Variants in MBD5 observed in about 807,000 individuals in gnomAD.
The protein encoded by MBD5 is methyl-CpG-binding domain protein 5.
MBD5 carries 13 observed loss-of-function variants against 117.3 expected under a neutral mutation model. The observed-to-expected ratio is 0.11, with a 90% CI of 0.07 to 0.18. The LOEUF (loss-of-function observed/expected upper bound fraction) is 0.18, where lower values mean the gene tolerates loss of function less well. MBD5 is among the 10% of genes least tolerant of loss of function. The pLI, the probability that MBD5 is intolerant of heterozygous loss-of-function variation, is 1.00. For missense variants in MBD5, 1,879 were observed against 2,093.8 expected, an observed-to-expected ratio of 0.90 and a Z score of 2.00; for synonymous variants, 727 against 766.4, an observed-to-expected ratio of 0.95 and a Z score of 0.85.
At chr2:148,151,696 C>G (rs993438462) in intron 1 of MBD5, among the ~76,000 whole-genome samples, 22 of 152,076 alleles carry the variant, frequency 1.4e-4, no homozygotes, top group African/African-American at 3.9e-4. Flanking sequence ...AGGAATTTAT[C>G]CATTTCTTCT....
At chr2:148,150,464 C>A (rs1349560996) in intron 1 of MBD5, among the ~76,000 whole-genome samples, 1 of 152,012 alleles carries the variant, frequency 6.6e-6, no homozygotes, top group Non-Finnish European at 1.5e-5. Context: ...GTATTTTTTT[C>A]CAATTCTGTG....
chr2:148,232,397 C>T (rs902690197), intron 2 of MBD5, among the ~76,000 whole-genome samples: 1 of 152,038 alleles, frequency 6.6e-6, no homozygotes, highest in African/African-American at 2.4e-5. Flanking sequence ...TAGATGGTTG[C>T]AGTGGTGAGG....
intron 1 of MBD5, among the ~76,000 whole-genome samples, chr2:148,157,765 C>G (rs545661984): frequency 1.3e-4 from 20 of 152,278 alleles, no homozygotes; most frequent in African/African-American, 4.8e-4. Context: ...ACTAATAATA[C>G]ACATAGAAGT....
Position 148,425,118 on chromosome 2 carries a change from A to G in MBD5, c.-556-33085A>G, listed in dbSNP as rs575550004. Among the ~76,000 whole-genome samples the G allele has an allele frequency of 1.2e-3, 186 of 152,274 alleles. 2 individuals carry two copies. The highest frequency in any genetic ancestry group is 8.5e-3 in the South Asian group (41 of 4,828). On this transcript the variant is annotated intron_variant, in intron 4 of 13. Coordinates refer to ENST00000642680, the MANE Select transcript of MBD5 (RefSeq NM_001378120.1). ...GAGCTGGTTTTTTGAAAAGATCAAC[A>G]AAATAGATAGACCACTAGCCAGACT...
chr2:148,383,304 A>G (rs1325971556), intron 4 of MBD5, among the ~76,000 whole-genome samples: 2 of 152,204 alleles, frequency 1.3e-5, no homozygotes, highest in Non-Finnish European at 2.9e-5. Flanking sequence ...AATACAAACT[A>G]CCATCAGAGA....
intron 3 of MBD5, among the ~76,000 whole-genome samples, chr2:148,286,418 C>T (rs1197473873): frequency 6.6e-6 from 1 of 152,168 alleles, no homozygotes; most frequent in Non-Finnish European, 1.5e-5. Flanking sequence ...AGCAGACTTA[C>T]CCACATAACT....
chr2:148,460,995 G>A (rs746871533), intron 5 of MBD5, among the ~76,000 whole-genome samples: 2 of 152,084 alleles, frequency 1.3e-5, no homozygotes, highest in Non-Finnish European at 2.9e-5. Context: ...GTGTAGTGGC[G>A]CATCTTGGCT....
At chr2:148,155,835 G>A (rs540659659) in intron 1 of MBD5, among the ~76,000 whole-genome samples, 1 of 152,322 alleles carries the variant, frequency 6.6e-6, no homozygotes, top group South Asian at 2.1e-4. Context: ...TAAGCACTTT[G>A]AGGGCAAGCA....
chr2:148,462,715 GT>G (rs1178797856), intron 6 of MBD5, 31 bp downstream of exon 6: 1 of 1,390,646 alleles, frequency 7.2e-7, no homozygotes, highest in African/African-American at 1.4e-5. Context: ...CTACAGCAGT[GT>G]TTTATTTTTT....
intron 4 of MBD5, among the ~76,000 whole-genome samples, chr2:148,400,875 G>A (rs1376987541): frequency 2.0e-5 from 3 of 149,800 alleles, no homozygotes; most frequent in African/African-American, 7.3e-5. Flanking sequence ...CATTCTTGCT[G>A]ATATTGTCTT....
In MBD5 at chr2:148,333,885, A is replaced by G. The variant is rs572654314; in HGVS notation, c.-679-8329A>G. Among the ~76,000 whole-genome samples, 5 of 152,120 alleles carry G rather than the reference A, an allele frequency of 3.3e-5. No homozygotes were observed. In the East Asian group the frequency reaches 9.7e-4, roughly 29 times the overall value. On this transcript the variant is annotated intron_variant, in intron 3 of 13. Coordinates refer to ENST00000642680, the MANE Select transcript of MBD5 (RefSeq NM_001378120.1). ...AAACAAAAAAATTCCCCAGTTCAAG[A>G]ACCTCCTATTTTATTCACACCAAAG...
At chr2:148,342,108 A>G (rs1185175705) in intron 3 of MBD5, 106 bp from the exon 4 acceptor site, 2 of 152,058 alleles carry the variant, frequency 1.3e-5, no homozygotes, top group African/African-American at 4.8e-5. Flanking sequence ...GTTCTTTGGC[A>G]AAGACTTATT....
intron 1 of MBD5, among the ~76,000 whole-genome samples, chr2:148,109,249 T>C (rs1021341546): frequency 6.6e-6 from 1 of 152,070 alleles, no homozygotes; most frequent in Admixed American, 6.6e-5. Flanking sequence ...TGCACCGCTG[T>C]ACCCTAGCCT....
At chr2:148,363,066 C>T (rs1703587723) in intron 4 of MBD5, among the ~76,000 whole-genome samples, 1 of 152,020 alleles carries the variant, frequency 6.6e-6, no homozygotes, top group Non-Finnish European at 1.5e-5. Flanking sequence ...TTCCAAAACC[C>T]AGAATGCCTC....
chr2:148,044,085 A>G (rs578029629), intron 1 of MBD5, among the ~76,000 whole-genome samples: 1 of 152,354 alleles, frequency 6.6e-6, no homozygotes, highest in African/African-American at 2.4e-5. Flanking sequence ...AGTCATCTTT[A>G]TATCTGAATA....
At chr2:148,125,195 A>G (rs1435845657) in intron 1 of MBD5, among the ~76,000 whole-genome samples, 1 of 152,010 alleles carries the variant, frequency 6.6e-6, no homozygotes, top group Non-Finnish European at 1.5e-5. Context: ...TCTTTGCTGT[A>G]TATTATTCTG....
At chr2:148,446,062 T>G (rs1304308148) in intron 4 of MBD5, among the ~76,000 whole-genome samples, 5 of 150,868 alleles carry the variant, frequency 3.3e-5, no homozygotes, top group Non-Finnish European at 7.4e-5. Flanking sequence ...GTTGCAAAAA[T>G]TTTCTCCCAT....
intron 1 of MBD5, among the ~76,000 whole-genome samples, chr2:148,073,873 G>A (rs1457330022): frequency 2.0e-5 from 3 of 152,142 alleles, no homozygotes; most frequent in Non-Finnish European, 2.9e-5. Flanking sequence ...CTACTATGTG[G>A]CTGGTATAGA....
chr2:148,327,203 T>C (rs1303765429), intron 3 of MBD5, among the ~76,000 whole-genome samples: 1 of 152,140 alleles, frequency 6.6e-6, no homozygotes, highest in Non-Finnish European at 1.5e-5. Flanking sequence ...TGCCGAGAGA[T>C]CTGCTGTTAG....
Sources: allele counts gnomAD v4.1 joint callset (sites outside exome capture counted in the v4.1 genomes callset), GRCh38; gene constraint gnomAD v4.1.1; transcripts MANE v1.5; gene names NCBI Gene and HGNC (gene_info 2026-07-23, HGNC 2026-07-21).